NUDT4: variants seen among roughly 807,000 people sequenced by gnomAD.
The protein encoded by NUDT4 is diphosphoinositol polyphosphate phosphohydrolase 2.
Under a neutral mutation model 23.1 loss-of-function variants are expected in NUDT4, and 5 were observed. That is an observed-to-expected ratio of 0.22 (90% CI 0.11 to 0.46). NUDT4 has a LOEUF of 0.46. Ranked by LOEUF, NUDT4 falls within the 20% of genes least tolerant of loss-of-function variation. The probability of loss-of-function intolerance (pLI) is 0.99; values close to 1 mark genes in which losing one functional copy is unlikely to be tolerated. For synonymous variants in NUDT4, 50 were observed against 79.0 expected (o/e 0.63, Z 1.95); for missense variants, 96 against 211.6 (o/e 0.45, Z 3.39).
At chr12:93,381,174 G>C (rs1875635504) in intron 1 of NUDT4, 1 of 152,122 alleles carries the variant, frequency 6.6e-6, no homozygotes, top group Non-Finnish European at 1.5e-5. Context: ...ATTAGTATTT[G>C]TTTAGGAAGA....
Position 93,398,764 on chromosome 12 carries a change from C to G in NUDT4, c.256-7C>G, listed in dbSNP as rs765831100. The G allele has an allele frequency of 1.3e-6, 2 of 1,583,212 alleles. No individual in the cohort carries two copies. The highest frequency in any genetic ancestry group is 2.3e-5 in the South Asian group (2 of 87,848). ...ATTAAAATGCATTTCTTTTTATATT[C>G]AAGCAGAACCAAGACCGAAAGCACA... On this transcript the variant is annotated splice_region_variant and splice_polypyrimidine_tract_variant and intron_variant, in intron 3 of 4. Transcript: ENST00000415493.
At chr12:93,378,456 G>A (rs1224652652) in intron 1 of NUDT4, 35 bp downstream of exon 1, 3 of 1,522,264 alleles carry the variant, frequency 2.0e-6, no homozygotes, top group East Asian at 5.0e-5. Context: ...GCCCTCCGGG[G>A]CGCCGGGGTC....
rs1283874319 is a variant in NUDT4, at chr12:93,407,684, T to G, written c.*8305T>G. 1 of 152,196 alleles carries G rather than the reference T, an allele frequency of 6.6e-6. No homozygotes were observed. The highest frequency in any genetic ancestry group is 6.5e-5 in the Admixed American group (1 of 15,278). The allele number at this position is 152,196 out of a possible 1,614,324, so 9.4% of individuals were successfully genotyped here. Reference sequence around the variant, plus strand: ...TGGATTTTCATGCAAATCTCCCAATTTTTAAAAATGTTGGCATCAAATTCA... The same window carrying G: ...TGGATTTTCATGCAAATCTCCCAATGTTTAAAAATGTTGGCATCAAATTCA... On this transcript the variant is annotated 3_prime_UTR_variant, in exon 5 of 5. Transcript: ENST00000415493.
rs369407354 is a variant in NUDT4, at chr12:93,384,955, A to C, written c.99+6534A>C. Among the ~76,000 whole-genome samples, 18 of 152,082 alleles carry C rather than the reference A, an allele frequency of 1.2e-4. No individual in the cohort carries two copies. The South Asian group carries it at 3.3e-3, about 28-fold the overall frequency. On this transcript the variant is annotated intron_variant, in intron 1 of 4. Transcript: ENST00000415493. ...TATTTTTAGTTGAATTTTGTATTTA[A>C]ATTTTAGTTAAGTTTTGTATTTTTA...
rs573213717 is a variant in NUDT4, at chr12:93,404,163, A to G, written c.*4784A>G. 3.3e-5 allele frequency: 5 copies of G among 152,318 alleles called. No individual in the cohort carries two copies. In the East Asian group the frequency reaches 7.7e-4, roughly 23 times the overall value. 9.4% of individuals were successfully genotyped at this position (152,318 alleles called of 1,614,324 possible). A position where few individuals can be genotyped will look rare whatever the true frequency, so the allele number is the denominator to read the frequency against. On this transcript the variant is annotated 3_prime_UTR_variant, in exon 5 of 5. Coordinates refer to ENST00000415493, the MANE Select transcript of NUDT4 (RefSeq NM_019094.6). ...TACTTTCATTTGGCCATCATTATTT[A>G]TCAACCTTAAGAAACATGCCTATTG...
At chr12:93,395,630 C>A in intron 3 of NUDT4, 97 bp downstream of exon 3, 2 of 970,638 alleles carry the variant, frequency 2.1e-6, no homozygotes, top group Non-Finnish European at 3.3e-6. Flanking sequence ...CCAGACATTT[C>A]TCTCAGACTA....
At chr12:93,386,856 C>A (rs1222409929) in intron 1 of NUDT4, among the ~76,000 whole-genome samples, 2 of 152,110 alleles carry the variant, frequency 1.3e-5, no homozygotes, top group Non-Finnish European at 2.9e-5. Context: ...AAGAACATAG[C>A]TAAATCTTTG....
intron 1 of NUDT4, 120 bp from the exon 2 acceptor site, chr12:93,394,485 TTTAA>T (rs1396635426): frequency 1.9e-6 from 1 of 540,372 alleles, no homozygotes; most frequent in Non-Finnish European, 3.3e-6. Flanking sequence ...ACCCCCTAAT[TTTAA>T]TTAAATTTTA....
chr12:93,391,010 C>G (rs914834199), intron 1 of NUDT4, among the ~76,000 whole-genome samples: 1 of 152,132 alleles, frequency 6.6e-6, no homozygotes, highest in East Asian at 1.9e-4. Flanking sequence ...TTGAAACTTT[C>G]CAGTTTGGAA....
chr12:93,383,666 T>C (rs185427200), intron 1 of NUDT4, among the ~76,000 whole-genome samples: 1 of 152,280 alleles, frequency 6.6e-6, no homozygotes, highest in East Asian at 1.9e-4. Context: ...ACCTCGTCTC[T>C]ACTAAAAATA....
In NUDT4 at chr12:93,404,289, C is replaced by T. The variant is rs1877675312; in HGVS notation, c.*4910C>T. The T allele has an allele frequency of 6.6e-6, 1 of 152,200 alleles. No homozygotes were observed. Among genetic ancestry groups the T allele is most frequent in the African/African-American group, 2.4e-5 (1 of 41,450 alleles). The allele number at this position is 152,200 out of a possible 1,614,324, so 9.4% of individuals were successfully genotyped here. On this transcript the variant is annotated 3_prime_UTR_variant, in exon 5 of 5. Transcript: ENST00000415493. Reference sequence around the variant, plus strand: ...AGTGAAAAGCCATTAAAATAAAATGCTCAGCAGCAAAGGATTTGTAATGGT... The same window carrying T: ...AGTGAAAAGCCATTAAAATAAAATGTTCAGCAGCAAAGGATTTGTAATGGT...
At chr12:93,394,571 C>A in intron 1 of NUDT4, 38 bp from the exon 2 acceptor site, 1 of 1,196,092 alleles carries the variant, frequency 8.4e-7, no homozygotes, top group Non-Finnish European at 1.2e-6. Context: ...CGAAGTGCTT[C>A]TCAGGCTGGA....
rs1284734669 is a variant in NUDT4, at chr12:93,402,123, G to A, written c.*2744G>A. ...CCAGGCACATGCCATCCAATTTTCT[G>A]TCAATCACACTGTTGTATAAAGCAG... On this transcript the variant is annotated 3_prime_UTR_variant, in exon 5 of 5. Coordinates refer to ENST00000415493, the MANE Select transcript of NUDT4 (RefSeq NM_019094.6). The A allele has an allele frequency of 2.7e-5, 4 of 150,888 alleles. No homozygotes were observed. Among genetic ancestry groups the A allele is most frequent in the African/African-American group, 4.9e-5 (2 of 41,178 alleles). 9.3% of individuals were successfully genotyped at this position (150,888 alleles called of 1,614,324 possible). A position where few individuals can be genotyped will look rare whatever the true frequency, so the allele number is the denominator to read the frequency against.
In NUDT4 at chr12:93,406,902, T is replaced by C. The variant is rs7968453; in HGVS notation, c.*7523T>C. ...TCTTGCTAGACAGCCTTTGAGAGGA[T>C]GAAGGATAACTAGAGCAGAAGCAAA... is the stretch of plus-strand genomic sequence containing the variant. On this transcript the variant is annotated 3_prime_UTR_variant, in exon 5 of 5. Transcript: ENST00000415493. 89,973 of 152,058 alleles carry C rather than the reference T, an allele frequency of 0.59. 27,571 individuals carry two copies. The highest frequency in any genetic ancestry group is 0.77 in the African/African-American group (31,810 of 41,484). The allele number at this position is 152,058 out of a possible 1,614,324, so 9.4% of individuals were successfully genotyped here.
rs1565780438 is a variant in NUDT4, at chr12:93,392,242, T to TC, written c.100-2367_100-2366insC. Among the ~76,000 whole-genome samples the TC allele has an allele frequency of 6.0e-3, 694 of 116,100 alleles. 16 individuals are homozygous for TC. The highest frequency in any genetic ancestry group is 0.023 in the African/African-American group (653 of 28,154). 76.2% of individuals were successfully genotyped at this position (116,100 alleles called of 152,430 possible). A position where few individuals can be genotyped will look rare whatever the true frequency, so the allele number is the denominator to read the frequency against. ...AGCTAGCCCACAAATATTCCTTTGT[T>TC]TCCCCCCCCCCCTTTTTTTTTTCCT... On this transcript the variant is annotated intron_variant, in intron 1 of 4. Coordinates refer to ENST00000415493, the MANE Select transcript of NUDT4 (RefSeq NM_019094.6).
chr12:93,392,698 G>T (rs1876640356), intron 1 of NUDT4, among the ~76,000 whole-genome samples: 1 of 100,738 alleles, frequency 9.9e-6, no homozygotes, highest in African/African-American at 4.1e-5. Flanking sequence ...CCGAGATGGA[G>T]TCTTGCTCTG....
At chr12:93,386,683 G>A (rs1023737325) in intron 1 of NUDT4, among the ~76,000 whole-genome samples, 4 of 151,792 alleles carry the variant, frequency 2.6e-5, no homozygotes, top group African/African-American at 7.3e-5. Flanking sequence ...GTAAAAACAC[G>A]GACTGCTCAG....
At chr12:93,394,848 ATT>A in intron 2 of NUDT4, 129 bp downstream of exon 2, 3 of 500,056 alleles carry the variant, frequency 6.0e-6, no homozygotes, top group Non-Finnish European at 1.1e-5. Flanking sequence ...TTTAATTTTA[ATT>A]TTTTTTTTTA....
rs1877727252 is a variant in NUDT4 at position 93,405,028 on chromosome 12, T to TTA, written c.*5649_*5650insTA. On this transcript the variant is annotated 3_prime_UTR_variant, in exon 5 of 5. Coordinates refer to ENST00000415493, the MANE Select transcript of NUDT4 (RefSeq NM_019094.6). Reference sequence around the variant, plus strand: ...GACCTATGGTCCACAAAGGCCGAAATATTTACTGTTTTAGGAGAAAAAAAC... The same window carrying TTA: ...GACCTATGGTCCACAAAGGCCGAAATTAATTTACTGTTTTAGGAGAAAAAAAC... 1 of 152,002 alleles carries TTA rather than the reference T, an allele frequency of 6.6e-6. No homozygotes were observed. The highest frequency in any genetic ancestry group is 2.4e-5 in the African/African-American group (1 of 41,380). 9.4% of individuals were successfully genotyped at this position (152,002 alleles called of 1,614,324 possible). A position where few individuals can be genotyped will look rare whatever the true frequency, so the allele number is the denominator to read the frequency against.
Sources: allele counts gnomAD v4.1 joint callset (sites outside exome capture counted in the v4.1 genomes callset), GRCh38; gene constraint gnomAD v4.1.1; transcripts MANE v1.5; gene names NCBI Gene and HGNC (gene_info 2026-07-23, HGNC 2026-07-21).